Variants in SCIN observed in about 807,000 individuals in gnomAD.
SCIN encodes the protein adseverin.
SCIN carries 91 observed loss-of-function variants against 91.8 expected under a neutral mutation model. The ratio of observed to expected loss-of-function variants is 0.99; its 90% CI spans 0.84 to 1.18. The LOEUF is 1.18. Among genes scored for constraint, SCIN ranks in the 50% most tolerant of loss-of-function variants. The pLI, the probability that SCIN is intolerant of heterozygous loss-of-function variation, is 0.00. For missense variants in SCIN, 1,087 were observed against 863.9 expected (o/e 1.26, Z -3.24); for synonymous variants, 367 against 312.6 (o/e 1.17, Z -1.84).
intron 13 of SCIN, 86 bp from the exon 14 acceptor site, chr7:12,649,376 ATACTC>A: frequency 1.5e-6 from 1 of 678,244 alleles, no homozygotes; most frequent in South Asian, 2.8e-5. Flanking sequence ...TATTTTCACT[ATACTC>A]AAAAAAAATA....
rs1784203965 is a variant in SCIN at position 12,658,078 on chromosome 7, A to C, written c.*5363A>C. ...CTGATTGCAAACAATACTGAATTAA[A>C]ATATCCCTGCAAGTTCACTGTGACT... On this transcript the variant is annotated 3_prime_UTR_variant, in exon 16 of 16. Coordinates refer to ENST00000297029, the MANE Select transcript of SCIN (RefSeq NM_001112706.3). 1 of 152,226 alleles carries C rather than the reference A, an allele frequency of 6.6e-6. No individual in the cohort carries two copies. Among genetic ancestry groups the C allele is most frequent in the Admixed American group, 6.5e-5 (1 of 15,282 alleles). 9.4% of individuals were successfully genotyped at this position (152,226 alleles called of 1,614,324 possible). A position where few individuals can be genotyped will look rare whatever the true frequency, so the allele number is the denominator to read the frequency against.
chr7:12,644,506 A>G (rs1020028642), intron 12 of SCIN, 78 bp from the exon 13 acceptor site: 1 of 1,561,048 alleles, frequency 6.4e-7, no homozygotes, highest in Non-Finnish European at 8.7e-7. Flanking sequence ...TCAAGGTGAG[A>G]TAATATTTGT....
intron 4 of SCIN, among the ~76,000 whole-genome samples, chr7:12,609,272 T>C (rs964725339): frequency 6.6e-6 from 1 of 152,182 alleles, no homozygotes; most frequent in Non-Finnish European, 1.5e-5. Context: ...CAATCCTATA[T>C]GTGGAAAAAA....
Position 12,655,256 on chromosome 7 carries a change from A to G in SCIN, c.*2541A>G, listed in dbSNP as rs894235718. 3.9e-5 allele frequency: 6 copies of G among 152,170 alleles called. No homozygotes were observed. Among genetic ancestry groups the G allele is most frequent in the Non-Finnish European group, 7.4e-5 (5 of 68,022 alleles). 9.4% of individuals were successfully genotyped at this position (152,170 alleles called of 1,614,324 possible). Reference sequence around the variant, plus strand: ...GTATTATTTTATTGTTTTTCCCCAAATAGTTTTGATCCGCAGATGTAGAAC... The same window carrying G: ...GTATTATTTTATTGTTTTTCCCCAAGTAGTTTTGATCCGCAGATGTAGAAC... On this transcript the variant is annotated 3_prime_UTR_variant, in exon 16 of 16. Transcript: ENST00000297029.
At chr7:12,588,415 T>G (rs1215956137) in intron 3 of SCIN, among the ~76,000 whole-genome samples, 1 of 151,940 alleles carries the variant, frequency 6.6e-6, no homozygotes, top group African/African-American at 2.4e-5. Context: ...TGTAAACACA[T>G]TATAATTGGA....
Position 12,578,136 on chromosome 7 carries a change from G to T in SCIN, c.272G>T (p.Gly91Val). The change falls in exon 2 of 16, where the codon GGC becomes GTC. Residue 91 changes from glycine to valine, a missense_variant. Physicochemically the swap from Gly to Val is moderately radical, Grantham distance 109 (BLOSUM62 -3). Coordinates refer to ENST00000297029, the MANE Select transcript of SCIN (RefSeq NM_001112706.3). ...FTVQMDDYLGGKPVQNRELQG... is the reference protein window; with the variant it reads ...FTVQMDDYLGVKPVQNRELQG... The stretch of plus-strand genomic sequence containing the variant: ...GTTCAGATGGATGACTATTTGGGTG[G>T]CAAGCCAGTGCAGAATAGAGAACTT... 1 of 1,551,114 alleles carries T rather than the reference G, an allele frequency of 6.4e-7. No individual in the cohort carries two copies. Among genetic ancestry groups the T allele is most frequent in the Non-Finnish European group, 8.7e-7 (1 of 1,146,598 alleles).
chr7:12,638,745 T>G (rs849765), intron 10 of SCIN, among the ~76,000 whole-genome samples: 85,373 of 151,992 alleles, frequency 0.56, 25,854 homozygotes, highest in South Asian at 0.7. Flanking sequence ...GATACAAAAA[T>G]CAAGTTAAAT....
In SCIN at chr7:12,578,215, C is replaced by T; in HGVS notation, c.351C>T (p.Tyr117=). ...GCTATTTCAAAGGCGGTCTGAAATACAAGGTAAGCAGCTCCCTCAGTTTCC... is the reference window on the plus strand; with the variant it reads ...GCTATTTCAAAGGCGGTCTGAAATATAAGGTAAGCAGCTCCCTCAGTTTCC... ...FVSYFKGGLK[Y]KAGGVASGLN... The change falls in exon 2 of 16, where the codon TAC becomes TAT. Residue 117 remains tyrosine, a synonymous_variant. Transcript: ENST00000297029. 1 of 1,545,026 alleles carries T rather than the reference C, an allele frequency of 6.5e-7. No homozygotes were observed. Among genetic ancestry groups the T allele is most frequent in the Non-Finnish European group, 8.7e-7 (1 of 1,143,984 alleles).
chr7:12,639,131 T>C (rs1391370748), intron 10 of SCIN, among the ~76,000 whole-genome samples: 1 of 152,230 alleles, frequency 6.6e-6, no homozygotes, highest in Non-Finnish European at 1.5e-5. Flanking sequence ...TTAACCATAT[T>C]GAACATATTT....
chr7:12,634,091 G>T (rs1173250944), intron 9 of SCIN, among the ~76,000 whole-genome samples: 1 of 151,906 alleles, frequency 6.6e-6, no homozygotes, highest in South Asian at 2.1e-4. Context: ...GAGGGGGGTG[G>T]GTATTGCCCA....
intron 2 of SCIN, among the ~76,000 whole-genome samples, chr7:12,579,472 G>C (rs1782444291): frequency 6.6e-6 from 1 of 152,138 alleles, no homozygotes; most frequent in Non-Finnish European, 1.5e-5. Flanking sequence ...CAGGTGCTGT[G>C]ACACCATCAT....
intron 8 of SCIN, 125 bp downstream of exon 8, chr7:12,626,924 T>A: frequency 1.3e-6 from 1 of 797,118 alleles, no homozygotes; most frequent in East Asian, 2.7e-5. Flanking sequence ...ACCCCACCTC[T>A]ACTCAAAATA....
chr7:12,605,710 C>T (rs190711860), intron 4 of SCIN, among the ~76,000 whole-genome samples: 1 of 152,264 alleles, frequency 6.6e-6, no homozygotes, highest in Admixed American at 6.5e-5. Context: ...TTTCTAATTT[C>T]AGATGTTTGG....
At chr7:12,602,146 A>T (rs1286152404) in intron 3 of SCIN, among the ~76,000 whole-genome samples, 1 of 152,194 alleles carries the variant, frequency 6.6e-6, no homozygotes, top group East Asian at 1.9e-4. Context: ...GTACAAAGAG[A>T]GGAATTTTAC....
chr7:12,648,569 A>T (rs1784013113), intron 13 of SCIN, among the ~76,000 whole-genome samples: 1 of 152,220 alleles, frequency 6.6e-6, no homozygotes, highest in Non-Finnish European at 1.5e-5. Context: ...TGCTGGGATT[A>T]CAGGCATGAG....
chr7:12,650,688 C>A (rs1473080197), intron 14 of SCIN, among the ~76,000 whole-genome samples: 1 of 151,960 alleles, frequency 6.6e-6, no homozygotes, highest in African/African-American at 2.4e-5. Context: ...ATTCAAGTAC[C>A]CCCACCCACA....
chr7:12,628,585 G>T (rs1245199819), intron 8 of SCIN, among the ~76,000 whole-genome samples: 1 of 152,166 alleles, frequency 6.6e-6, no homozygotes, highest in East Asian at 1.9e-4. Context: ...CACACTGGAG[G>T]TTAGGATTTC....
At chr7:12,608,849 G>C (rs538914412) in intron 4 of SCIN, among the ~76,000 whole-genome samples, 1 of 152,218 alleles carries the variant, frequency 6.6e-6, no homozygotes, top group Non-Finnish European at 1.5e-5. Context: ...AGCTTTGAAA[G>C]TCTCTCTATG....
rs1784224913 is a variant in SCIN at position 12,659,530 on chromosome 7, T to TA, written c.*6817dup. 1 of 152,242 alleles carries TA rather than the reference T, an allele frequency of 6.6e-6. No individual in the cohort carries two copies. Among genetic ancestry groups the TA allele is most frequent in the African/African-American group, 2.4e-5 (1 of 41,458 alleles). The allele number at this position is 152,242 out of a possible 1,614,324, so 9.4% of individuals were successfully genotyped here. The stretch of plus-strand genomic sequence containing the variant: ...TAAAGCCACCATGATGGCTTTATAT[T>TA]AATGAAGGAAATAAGTTGCAGGATA... On this transcript the variant is annotated 3_prime_UTR_variant, in exon 16 of 16. Transcript: ENST00000297029.
Sources: gnomAD v4.1 joint callset for allele counts (sites outside exome capture counted in the v4.1 genomes callset) on GRCh38, gnomAD v4.1.1 for gene constraint, MANE v1.5 for transcripts, NCBI Gene and HGNC (gene_info 2026-07-23, HGNC 2026-07-21) for gene names.